POM121: variants seen among roughly 807,000 people sequenced by gnomAD.
POM121 encodes nuclear envelope pore membrane protein POM 121.
In POM121, 32 loss-of-function variants were observed where a neutral mutation model predicts 81.3. The observed-to-expected ratio is 0.39, with a 90% CI of 0.30 to 0.53. POM121 has a LOEUF of 0.53. POM121 is among the 20% of genes least tolerant of loss of function. The pLI is 0.66. For missense variants in POM121, 1,138 were observed against 1,614.6 expected (o/e 0.70, Z 5.06); for synonymous variants, 514 against 694.2 (o/e 0.74, Z 4.08).
At chr7:72,884,097 G>C (rs1315241293) in intron 1 of POM121, among the ~76,000 whole-genome samples, 1 of 152,042 alleles carries the variant, frequency 6.6e-6, no homozygotes, top group African/African-American at 2.4e-5. Context: ...TTAGAGACAG[G>C]TTTCTCTATG....
intron 3 of POM121, among the ~76,000 whole-genome samples, chr7:72,903,751 C>G (rs1792946395): frequency 6.6e-6 from 1 of 152,208 alleles, no homozygotes; most frequent in South Asian, 2.1e-4. Flanking sequence ...TGGAGCAGTC[C>G]TTCAGGGCTT....
intron 5 of POM121, among the ~76,000 whole-genome samples, chr7:72,936,316 C>T (rs1272351775): frequency 6.6e-6 from 1 of 151,940 alleles, no homozygotes; most frequent in Non-Finnish European, 1.5e-5. Context: ...GCATGCACCA[C>T]CACACCTGGC....
chr7:72,881,460 T>G (rs560234253), intron 1 of POM121, among the ~76,000 whole-genome samples: 16 of 150,734 alleles, frequency 1.1e-4, no homozygotes, highest in African/African-American at 3.9e-4. Flanking sequence ...GCCGGAGCCC[T>G]CATGACTTCA....
At chr7:72,897,606 A>T (rs1470231244) in intron 3 of POM121, among the ~76,000 whole-genome samples, 1 of 152,228 alleles carries the variant, frequency 6.6e-6, no homozygotes, top group Non-Finnish European at 1.5e-5. Flanking sequence ...AACAGTTCAT[A>T]GGAGAACTCT....
At chr7:72,884,468 GATA>G (rs1790478451) in intron 1 of POM121, among the ~76,000 whole-genome samples, 3 of 38,216 alleles carry the variant, frequency 7.9e-5, no homozygotes, top group Non-Finnish European at 1.7e-4. Flanking sequence ...TGATATATAT[GATA>G]GCAAATATAT....
At chr7:72,898,487 T>C (rs1554492052) in intron 3 of POM121, among the ~76,000 whole-genome samples, 2 of 151,940 alleles carry the variant, frequency 1.3e-5, no homozygotes, top group African/African-American at 4.8e-5. Context: ...AGGGATGAGA[T>C]TGAGATGAAG....
At chr7:72,919,678 T>A (rs1554495635) in intron 4 of POM121, among the ~76,000 whole-genome samples, 1 of 152,072 alleles carries the variant, frequency 6.6e-6, no homozygotes, top group East Asian at 1.9e-4. Flanking sequence ...GACAGGTTCT[T>A]ACTATGTTGC....
At chr7:72,949,045 A>G (rs782512480), downstream of POM121, 33 of 1,613,434 alleles carry the variant, frequency 2.0e-5, no homozygotes, top group South Asian at 3.3e-4. Flanking sequence ...CAGGGCATGC[A>G]GACGCACCGG....
chr7:72,925,674 CCCCCGCCCT>C lies in POM121; in HGVS notation c.561_569del (p.Ser188_Pro190del), dbSNP rs782156324. 1 of 1,154,714 alleles carries C rather than the reference CCCCCGCCCT, an allele frequency of 8.7e-7. No homozygotes were observed. The highest frequency in any genetic ancestry group is 1.1e-6 in the Non-Finnish European group (1 of 943,600). 71.5% of individuals were successfully genotyped at this position (1,154,714 alleles called of 1,614,324 possible). A position where few individuals can be genotyped will look rare whatever the true frequency, so the allele number is the denominator to read the frequency against. On this transcript the variant is annotated inframe_deletion, in exon 1 of 13. Transcript: ENST00000434423. ...GCCGCGCTCCCCACCGCCGCGCTCC[CCCCCGCCCT>C]CCCCGCCGACCCATCGCGCTCACCA... is the stretch of plus-strand genomic sequence containing the variant.
intron 5 of POM121, among the ~76,000 whole-genome samples, chr7:72,936,128 C>T (rs1796483101): frequency 6.6e-6 from 1 of 151,934 alleles, no homozygotes; most frequent in South Asian, 2.1e-4. Flanking sequence ...ATTGTTAAAC[C>T]AGTTGTTCAG....
chr7:72,925,749 A>G lies in POM121; in HGVS notation c.628A>G (p.Arg210Gly), dbSNP rs1554497243. Residue 210 changes from arginine to glycine, a missense_variant, in exon 1 of 13, where the codon AGG becomes GGG. This residue lies in a region of POM121 where 646 missense variants were observed against 633.5 expected (regional missense o/e 1.02). Transcript: ENST00000434423. The part of the protein sequence containing the change: ...SLPTPLLRPS[R>G]RPSPRDCGTL... ...GCCCACTCCTCTTCTCCGACCCTCC[A>G]GGAGGCCTTCCCCACGGTAAGATGC... 6.5e-6 allele frequency: 8 copies of G among 1,221,478 alleles called. No individual in the cohort carries two copies. Among genetic ancestry groups the G allele is most frequent in the South Asian group, 2.0e-5 (1 of 49,008 alleles). 75.7% of individuals were successfully genotyped at this position (1,221,478 alleles called of 1,614,324 possible).
Position 72,946,548 on chromosome 7 carries a change from C to T in POM121, c.*314C>T, listed in dbSNP as rs1164472158. ...TGCCCTGACTCCCGCTTAGCACACC[C>T]TTAGGCAGGCGCCCCTTCCACCTTT... On this transcript the variant is annotated 3_prime_UTR_variant, in exon 13 of 13. Transcript: ENST00000434423. 25 of 1,099,410 alleles carry T rather than the reference C, an allele frequency of 2.3e-5. No homozygotes were observed. Among genetic ancestry groups the T allele is most frequent in the Non-Finnish European group, 2.8e-5 (25 of 902,894 alleles). The allele number at this position is 1,099,410 out of a possible 1,614,324, so 68.1% of individuals were successfully genotyped here.
chr7:72,938,223 TTTC>T (rs1796706450), intron 5 of POM121, among the ~76,000 whole-genome samples: 1 of 151,580 alleles, frequency 6.6e-6, no homozygotes, highest in Non-Finnish European at 1.5e-5. Flanking sequence ...TTTTTTTCAT[TTTC>T]TTTTCTTTTT....
At chr7:72,902,060 C>T (rs113798272) in intron 3 of POM121, among the ~76,000 whole-genome samples, 1 of 150,836 alleles carries the variant, frequency 6.6e-6, no homozygotes, top group Admixed American at 6.6e-5. Context: ...TTCAGTGAGC[C>T]GAGATCGCGC....
chr7:72,939,276 T>C, intron 6 of POM121, 60 bp from the exon 7 acceptor site: 1 of 1,587,942 alleles, frequency 6.3e-7, no homozygotes, highest in Non-Finnish European at 8.6e-7. Context: ...GTGTGAGAAA[T>C]TATTTAATAC....
intron 4 of POM121, among the ~76,000 whole-genome samples, chr7:72,914,533 G>T: frequency 6.9e-6 from 1 of 143,982 alleles, no homozygotes; most frequent in East Asian, 2.0e-4. Flanking sequence ...ATAGGGTCTC[G>T]CTGTAGAGAT....
At chr7:72,928,327 CT>C in intron 3 of POM121, 57 bp from the exon 4 acceptor site, 1 of 1,599,708 alleles carries the variant, frequency 6.3e-7, no homozygotes. Flanking sequence ...TGAGAATACA[CT>C]TTAAAGGGAC....
intron 3 of POM121, 49 bp downstream of exon 3, chr7:72,927,012 T>G (rs1198368269): frequency 6.2e-7 from 1 of 1,613,370 alleles, no homozygotes; most frequent in South Asian, 1.1e-5. Flanking sequence ...TGGACTCCTA[T>G]GGGATGAGAT....
chr7:72,912,577 C>G (rs1793907264), intron 3 of POM121, among the ~76,000 whole-genome samples: 1 of 152,080 alleles, frequency 6.6e-6, no homozygotes, highest in African/African-American at 2.4e-5. Flanking sequence ...GAGATCGAGA[C>G]CATCCTGGCC....
Sources: allele counts gnomAD v4.1 joint callset (sites outside exome capture counted in the v4.1 genomes callset), GRCh38; gene constraint gnomAD v4.1.1; regional missense constraint gnomAD v4.1.1; transcripts MANE v1.5; gene names NCBI Gene and HGNC (gene_info 2026-07-23, HGNC 2026-07-21).